Variants in CASZ1 observed in about 807,000 individuals in gnomAD.
The protein encoded by CASZ1 is zinc finger protein castor homolog 1.
CASZ1 carries 28 observed loss-of-function variants against 135.2 expected under a neutral mutation model. The observed-to-expected ratio is 0.21, with a 90% CI of 0.15 to 0.28. CASZ1 has a LOEUF of 0.28. Among genes scored for constraint, CASZ1 ranks in the 10% least tolerant of loss-of-function variants. The probability of loss-of-function intolerance (pLI) is 1.00; values close to 1 mark genes in which losing one functional copy is unlikely to be tolerated. For synonymous variants in CASZ1, 1,068 were observed against 1,073.4 expected (o/e 0.99, Z 0.10); for missense variants, 2,161 against 2,453.3 (o/e 0.88, Z 2.52).
At chr1:10,763,709 T>C (rs997323174) in intron 1 of CASZ1, among the ~76,000 whole-genome samples, 1 of 152,308 alleles carries the variant, frequency 6.6e-6, no homozygotes, top group African/African-American at 2.4e-5. Flanking sequence ...CGGGTCCTAA[T>C]GATCTGCGCG....
chr1:10,737,065 T>C (rs1371851757), intron 2 of CASZ1, among the ~76,000 whole-genome samples: 2 of 152,188 alleles, frequency 1.3e-5, no homozygotes, highest in Non-Finnish European at 2.9e-5. Flanking sequence ...ACATGTGCAG[T>C]TCATGAATAT....
At position 10,767,654 on chromosome 1, in the gene CASZ1, T is replaced by A. The variant is rs149525513; in HGVS notation, c.-233-6797A>T. Among the ~76,000 whole-genome samples, 57 of 152,230 alleles carry A rather than the reference T, an allele frequency of 3.7e-4. No homozygotes were observed. Among genetic ancestry groups the A allele is most frequent in the African/African-American group, 1.3e-3 (53 of 41,538 alleles). On this transcript the variant is annotated intron_variant, in intron 1 of 20. Transcript: ENST00000377022. The surrounding 1 kb of genome is among the most constrained non-coding windows in gnomAD (Gnocchi z 4.2). Reference sequence around the variant, plus strand: ...GATATTTCCTCTCTCACTTGCTTTTTAAAAAAAATTTAATGTTCTCTATAA... The same window carrying A: ...GATATTTCCTCTCTCACTTGCTTTTAAAAAAAAATTTAATGTTCTCTATAA...
chr1:10,698,368 AT>A (rs971260786), intron 3 of CASZ1, among the ~76,000 whole-genome samples: 1 of 152,134 alleles, frequency 6.6e-6, no homozygotes, highest in East Asian at 1.9e-4. Flanking sequence ...CACATTTCCC[AT>A]TTTTTTCCCA....
Position 10,660,156 on chromosome 1 carries a change from A to G in CASZ1, c.886T>C (p.Ser296Pro), listed in dbSNP as rs767199521. The G allele has an allele frequency of 3.1e-6, 5 of 1,614,058 alleles. No individual in the cohort carries two copies. The highest frequency in any genetic ancestry group is 4.5e-5 in the East Asian group (2 of 44,866). Residue 296 changes from serine (S) to proline (P), a missense_variant, in exon 6 of 21, where the codon TCG becomes CCG. This residue lies in a region of CASZ1 where 590 missense variants were observed against 609.8 expected (regional missense o/e 0.97). Coordinates refer to ENST00000377022, the MANE Select transcript of CASZ1 (RefSeq NM_001079843.3). ...ETKATILPLPSHSSVQMQNLV... is the reference protein window; with the variant it reads ...ETKATILPLPPHSSVQMQNLV... ...TTCTGCATCTGGACACTGCTGTGCGACGGCAGGGGCAGGATGGTGGCCTTG... is the reference window on the plus strand; with the variant it reads ...TTCTGCATCTGGACACTGCTGTGCGGCGGCAGGGGCAGGATGGTGGCCTTG...
At chr1:10,745,020 T>C (rs1557547043) in intron 2 of CASZ1, among the ~76,000 whole-genome samples, 2 of 152,188 alleles carry the variant, frequency 1.3e-5, no homozygotes, top group Non-Finnish European at 2.9e-5. Context: ...CCTGACCTTC[T>C]AGCCCCAGCA....
At chr1:10,649,740 T>G in intron 13 of CASZ1, 1 of 304,544 alleles carries the variant, frequency 3.3e-6, no homozygotes, top group Non-Finnish European at 6.1e-6. Flanking sequence ...CAGCCCATCT[T>G]TCCCCAGACT....
chr1:10,755,791 G>T lies in CASZ1; in HGVS notation c.-77+4910C>A, dbSNP rs560387324. On this transcript the variant is annotated intron_variant, in intron 2 of 20. Coordinates refer to ENST00000377022, the MANE Select transcript of CASZ1 (RefSeq NM_001079843.3). The surrounding 1 kb of genome is among the most constrained non-coding windows in gnomAD (Gnocchi z 4.3). ...TCTGCCCAGCCCAAGGCAACCTTGG[G>T]GTCTACCCATCCTCTGGAGCACCAC... is the stretch of plus-strand genomic sequence containing the variant. 6.6e-6 allele frequency among the ~76,000 whole-genome samples: 1 copy of T among 152,130 alleles called. No individual in the cohort carries two copies. Among genetic ancestry groups the T allele is most frequent in the South Asian group, 2.1e-4 (1 of 4,814 alleles).
intron 2 of CASZ1, among the ~76,000 whole-genome samples, chr1:10,708,525 G>T (rs545028333): frequency 6.6e-6 from 1 of 152,320 alleles, no homozygotes; most frequent in East Asian, 1.9e-4. Flanking sequence ...CAAAGAGCCT[G>T]GTGCCTTCTT....
chr1:10,649,490 C>G (rs936788199), intron 13 of CASZ1, 53 bp from the exon 14 acceptor site: 4 of 1,543,290 alleles, frequency 2.6e-6, no homozygotes, highest in Admixed American at 3.7e-5. Context: ...AACACAGACA[C>G]GGCAGCCTGG....
chr1:10,649,203 G>A lies in CASZ1; in HGVS notation c.3036-11C>T. On this transcript the variant is annotated splice_polypyrimidine_tract_variant and intron_variant, in intron 14 of 20. Coordinates refer to ENST00000377022, the MANE Select transcript of CASZ1 (RefSeq NM_001079843.3). ...TCCTTTGTACCAAACCTAGCCAGAG[G>A]AGCTGGCGTTAGAGGAGAGCCTGGG... 3 of 1,613,234 alleles carry A rather than the reference G, an allele frequency of 1.9e-6. No individual in the cohort carries two copies. The highest frequency in any genetic ancestry group is 1.7e-6 in the Non-Finnish European group (2 of 1,179,710).
At chr1:10,683,910 T>TG (rs1638504799) in intron 4 of CASZ1, among the ~76,000 whole-genome samples, 3 of 152,176 alleles carry the variant, frequency 2.0e-5, no homozygotes, top group Admixed American at 1.3e-4. Flanking sequence ...TTTGGGGACG[T>TG]GGGCCAGGCA....
intron 1 of CASZ1, among the ~76,000 whole-genome samples, chr1:10,795,397 A>AG (rs892130687): frequency 1.3e-5 from 2 of 152,138 alleles, no homozygotes; most frequent in African/African-American, 4.8e-5. Flanking sequence ...CCTTGGATTC[A>AG]GGGCTCCTCC....
chr1:10,765,288 G>T lies in CASZ1; in HGVS notation c.-233-4431C>A, dbSNP rs564775767. On this transcript the variant is annotated intron_variant, in intron 1 of 20. Coordinates refer to ENST00000377022, the MANE Select transcript of CASZ1 (RefSeq NM_001079843.3). ...ACGTGGTGGAAGATAAGCCCGGGGTGGGGAGAGGACAGAGCGCTAATGAGC... is the reference window on the plus strand; with the variant it reads ...ACGTGGTGGAAGATAAGCCCGGGGTTGGGAGAGGACAGAGCGCTAATGAGC... Among the ~76,000 whole-genome samples the T allele has an allele frequency of 4.6e-5, 7 of 151,850 alleles. No homozygotes were observed. The South Asian group carries it at 8.3e-4, about 18-fold the overall frequency.
intron 4 of CASZ1, among the ~76,000 whole-genome samples, chr1:10,669,212 C>A (rs1393681704): frequency 6.6e-6 from 1 of 152,172 alleles, no homozygotes; most frequent in Non-Finnish European, 1.5e-5. Context: ...CACTCCAGAG[C>A]CCAAGCTCAC....
rs397764754 is a variant in CASZ1 at position 10,650,794 on chromosome 1, C to CT, written c.2817-40_2817-39insA. ...ACCAAGGGACTTGAGCTCAGACGGCCGGGGCCTGGGCCCTGGGGCTCACCT... is the reference window on the plus strand; with the variant it reads ...ACCAAGGGACTTGAGCTCAGACGGCCTGGGGCCTGGGCCCTGGGGCTCACCT... On this transcript the variant is annotated intron_variant, in intron 12 of 20. Transcript: ENST00000377022. The CT allele has an allele frequency of 2.5e-6, 4 of 1,609,280 alleles. No individual in the cohort carries two copies. The South Asian group carries it at 3.3e-5, about 13-fold the overall frequency.
At chr1:10,692,682 C>A (rs570418694) in intron 4 of CASZ1, among the ~76,000 whole-genome samples, 1 of 152,234 alleles carries the variant, frequency 6.6e-6, no homozygotes, top group South Asian at 2.1e-4. Context: ...CAAACACAGG[C>A]CCTTCTTCAC....
At chr1:10,652,347 G>A (rs951373106) in intron 11 of CASZ1, 3 of 152,310 alleles carry the variant, frequency 2.0e-5, no homozygotes, top group Non-Finnish European at 1.5e-5. Context: ...ATCCCTGACC[G>A]TCTGCTGGCT....
intron 5 of CASZ1, among the ~76,000 whole-genome samples, chr1:10,662,592 AAT>A (rs1643084803): frequency 6.9e-6 from 1 of 145,522 alleles, no homozygotes; most frequent in African/African-American, 2.6e-5. Flanking sequence ...TCACACACAC[AAT>A]CACACACACT....
chr1:10,796,407 C>T (rs1557577801), intron 1 of CASZ1, among the ~76,000 whole-genome samples, 157 bp downstream of exon 1: 1 of 152,000 alleles, frequency 6.6e-6, no homozygotes, highest in African/African-American at 2.4e-5. Flanking sequence ...GGCTGGCTCG[C>T]TCGCTCGCTC....
Sources: allele counts gnomAD v4.1 joint callset (sites outside exome capture counted in the v4.1 genomes callset), GRCh38; gene constraint gnomAD v4.1.1; regional missense constraint gnomAD v4.1.1; non-coding constraint Gnocchi (gnomAD v3.1); transcripts MANE v1.5; gene names NCBI Gene and HGNC (gene_info 2026-07-23, HGNC 2026-07-21).